Variants in AGBL4 observed in about 807,000 individuals in gnomAD.
AGBL4 encodes the protein AGBL carboxypeptidase 4.
In AGBL4, 58 loss-of-function variants were observed where a neutral mutation model predicts 66.4. The observed-to-expected ratio is 0.87, with a 90% confidence interval of 0.71 to 1.09. The LOEUF (loss-of-function observed/expected upper bound fraction) is 1.09, where lower values mean the gene tolerates loss of function less well. Among genes scored for constraint, AGBL4 ranks in the 50% least tolerant of loss-of-function variants. The pLI is 0.00. For missense variants in AGBL4, 579 were observed against 631.0 expected (o/e 0.92, Z 0.88); for synonymous variants, 234 against 222.9 (o/e 1.05, Z -0.44).
At chr1:49,657,322 G>A (rs143215978) in intron 3 of AGBL4, among the ~76,000 whole-genome samples, 4,188 of 152,206 alleles carry the variant, frequency 0.028, 163 homozygotes, top group African/African-American at 0.095. Context: ...ACCTCTTCAA[G>A]GAGAACTACA....
At chr1:49,045,514 C>T (rs113878617) in intron 5 of AGBL4, 70 bp downstream of exon 5, 2 of 1,369,792 alleles carry the variant, frequency 1.5e-6, no homozygotes, top group African/African-American at 1.4e-5. Flanking sequence ...TGCATAAAAA[C>T]CCGTGTTAAG....
intron 1 of AGBL4, among the ~76,000 whole-genome samples, chr1:49,959,634 G>A (rs745452595): frequency 5.3e-5 from 8 of 151,958 alleles, no homozygotes; most frequent in African/African-American, 1.4e-4. Flanking sequence ...GCAATTCCTC[G>A]AAGAACTTAA....
At chr1:48,941,937 C>T (rs1656009884) in intron 5 of AGBL4, among the ~76,000 whole-genome samples, 1 of 152,094 alleles carries the variant, frequency 6.6e-6, no homozygotes, top group Admixed American at 6.5e-5. Flanking sequence ...CCAGAAGGGC[C>T]CAAGTCTCTT....
chr1:49,554,779 A>C (rs1653272522), intron 3 of AGBL4, among the ~76,000 whole-genome samples: 1 of 152,106 alleles, frequency 6.6e-6, no homozygotes, highest in African/African-American at 2.4e-5. Flanking sequence ...ATGTGTCCAG[A>C]GTTTCATCCT....
intron 5 of AGBL4, among the ~76,000 whole-genome samples, chr1:48,915,891 A>T (rs1456296842): frequency 6.6e-6 from 1 of 152,216 alleles, no homozygotes; most frequent in Non-Finnish European, 1.5e-5. Flanking sequence ...AAAATAAAAA[A>T]AATTAAATTT....
At chr1:48,864,378 C>T (rs1558049305) in intron 6 of AGBL4, among the ~76,000 whole-genome samples, 2 of 152,098 alleles carry the variant, frequency 1.3e-5, no homozygotes, top group African/African-American at 4.8e-5. Context: ...AACAATTGGT[C>T]ATTATGTAGT....
chr1:49,621,005 C>T (rs1034395049), intron 3 of AGBL4, among the ~76,000 whole-genome samples: 1 of 152,122 alleles, frequency 6.6e-6, no homozygotes, highest in Non-Finnish European at 1.5e-5. Context: ...GCCTACAAAG[C>T]TAGTGCTCTA....
chr1:49,714,569 C>CATATATATATATATATATATAT (rs60965691), intron 2 of AGBL4, among the ~76,000 whole-genome samples: 25 of 141,826 alleles, frequency 1.8e-4, no homozygotes, highest in African/African-American at 5.7e-4. Context: ...GTAGTATTTA[C>CATATATATATATATATATATAT]ATATATATAT....
intron 11 of AGBL4, among the ~76,000 whole-genome samples, chr1:48,575,438 A>G (rs1167157138): frequency 1.3e-5 from 2 of 152,142 alleles, no homozygotes; most frequent in African/African-American, 2.4e-5. Context: ...CCTATCTCCA[A>G]CTGACCCCAT....
At chr1:48,722,110 T>C (rs1339974883) in intron 6 of AGBL4, among the ~76,000 whole-genome samples, 1 of 135,522 alleles carries the variant, frequency 7.4e-6, no homozygotes. Flanking sequence ...TAAATCTGGT[T>C]ATTGTTTGTT....
chr1:50,003,820 G>C (rs545045835), intron 1 of AGBL4, among the ~76,000 whole-genome samples: 1 of 152,246 alleles, frequency 6.6e-6, no homozygotes, highest in East Asian at 1.9e-4. Flanking sequence ...AAAGTTTAAG[G>C]ATTTTACCTA....
rs569533780 is a variant in AGBL4 at position 49,590,998 on chromosome 1, CTGAGT to C, written c.282+106310_282+106314del. 4.6e-5 allele frequency among the ~76,000 whole-genome samples: 7 copies of C among 152,080 alleles called. No homozygotes were observed. In the East Asian group the frequency reaches 1.2e-3, roughly 25 times the overall value. On this transcript the variant is annotated intron_variant, in intron 3 of 13. Coordinates refer to ENST00000371839, the MANE Select transcript of AGBL4 (RefSeq NM_032785.4). Reference sequence around the variant, plus strand: ...ACAAGGATTACAAAAATTAATAGGACTGAGTAAACACTGCTTAGAGGAAAATGTAT... The same window carrying C: ...ACAAGGATTACAAAAATTAATAGGACAAACACTGCTTAGAGGAAAATGTAT...
intron 6 of AGBL4, chr1:48,742,859 G>T: frequency 7.5e-7 from 1 of 1,325,756 alleles, no homozygotes; most frequent in Non-Finnish European, 9.9e-7. Flanking sequence ...AGCACACCAT[G>T]GCACAAAAAA....
intron 5 of AGBL4, among the ~76,000 whole-genome samples, chr1:48,901,710 G>A (rs1432295583): frequency 6.6e-6 from 1 of 152,124 alleles, no homozygotes; most frequent in African/African-American, 2.4e-5. Context: ...AAACTATAGT[G>A]ACAGAAAGAA....
chr1:49,399,534 A>AT (rs1222559272), intron 3 of AGBL4, among the ~76,000 whole-genome samples: 2 of 152,166 alleles, frequency 1.3e-5, no homozygotes. Context: ...GATATAAGTC[A>AT]TTTTATCTGA....
intron 2 of AGBL4, among the ~76,000 whole-genome samples, chr1:49,757,610 A>T (rs1048817440): frequency 2.0e-5 from 3 of 152,192 alleles, no homozygotes; most frequent in Non-Finnish European, 4.4e-5. Context: ...GTGGTCTCAG[A>T]TGCAGATGAG....
At chr1:48,625,086 C>T (rs1194237772) in intron 9 of AGBL4, among the ~76,000 whole-genome samples, 2 of 142,266 alleles carry the variant, frequency 1.4e-5, no homozygotes, top group Admixed American at 1.4e-4. Flanking sequence ...TTCATTTTTT[C>T]TTTCTCCTTC....
chr1:49,312,686 A>G (rs1644962916), intron 3 of AGBL4, among the ~76,000 whole-genome samples: 1 of 152,112 alleles, frequency 6.6e-6, no homozygotes, highest in African/African-American at 2.4e-5. Flanking sequence ...ACACCTGACC[A>G]AAGAAGATAT....
chr1:49,749,420 A>G (rs1020126965), intron 2 of AGBL4, among the ~76,000 whole-genome samples: 1 of 152,186 alleles, frequency 6.6e-6, no homozygotes, highest in Middle Eastern at 3.2e-3. Context: ...TAAAAGGCAT[A>G]AAGATTAGGA....
Sources: gnomAD v4.1 joint callset for allele counts (sites outside exome capture counted in the v4.1 genomes callset) on GRCh38, gnomAD v4.1.1 for gene constraint, MANE v1.5 for transcripts, NCBI Gene and HGNC (gene_info 2026-07-23, HGNC 2026-07-21) for gene names.